The following TBCK variants were observed in gnomAD, a reference collection of about 807,000 sequenced individuals.
TBCK encodes TBC domain-containing protein kinase-like protein.
TBCK carries 99 observed loss-of-function variants against 113.4 expected under a neutral mutation model. The observed-to-expected ratio is 0.87, with a 90% confidence interval of 0.74 to 1.03. The LOEUF is 1.03. Ranked by LOEUF, TBCK falls within the 50% of genes least tolerant of loss-of-function variation. The probability of loss-of-function intolerance (pLI) is 0.00; values close to 1 mark genes in which losing one functional copy is unlikely to be tolerated. For missense variants in TBCK, 1,045 were observed against 1,061.3 expected, an observed-to-expected ratio of 0.98 and a Z score of 0.21; for synonymous variants, 369 against 370.8, an observed-to-expected ratio of 1.00 and a Z score of 0.05.
chr4:106,095,402 T>TA (rs1332421126), intron 25 of TBCK, 80 bp downstream of exon 25: 3 of 1,328,362 alleles, frequency 2.3e-6, no homozygotes, highest in Non-Finnish European at 3.1e-6. Context: ...CCTGAAGAAA[T>TA]ATACTTTTAG....
At chr4:106,128,927 T>G (rs1417887794) in intron 23 of TBCK, among the ~76,000 whole-genome samples, 1 of 152,146 alleles carries the variant, frequency 6.6e-6, no homozygotes, top group East Asian at 1.9e-4. Flanking sequence ...TATAATGGAA[T>G]GCACAGAAGC....
At chr4:106,058,580 G>A (rs1735691220) in intron 25 of TBCK, among the ~76,000 whole-genome samples, 2 of 151,642 alleles carry the variant, frequency 1.3e-5, no homozygotes, top group South Asian at 2.1e-4. Context: ...TCCAAATGAG[G>A]AGAAAAACAA....
At chr4:106,087,512 T>A (rs933790697) in intron 25 of TBCK, among the ~76,000 whole-genome samples, 2 of 152,148 alleles carry the variant, frequency 1.3e-5, no homozygotes, top group African/African-American at 4.8e-5. Flanking sequence ...CTGCCCAAAG[T>A]AAGTTACAGA....
intron 5 of TBCK, among the ~76,000 whole-genome samples, chr4:106,253,541 G>A (rs13129572): frequency 0.22 from 33,841 of 151,986 alleles, 4,643 homozygotes; most frequent in East Asian, 0.33. Context: ...TTTTCAAAAC[G>A]AGTTATACCA....
intron 22 of TBCK, among the ~76,000 whole-genome samples, chr4:106,174,642 T>C (rs1372168710): frequency 6.6e-6 from 1 of 152,180 alleles, no homozygotes; most frequent in Non-Finnish European, 1.5e-5. Context: ...TTTTGATGTT[T>C]GTGATAATTT....
intron 19 of TBCK, among the ~76,000 whole-genome samples, chr4:106,224,475 G>T (rs936288197): frequency 2.0e-4 from 30 of 152,044 alleles, no homozygotes; most frequent in Non-Finnish European, 2.4e-4. Flanking sequence ...TTGTGGAGAA[G>T]AAAGTGTACA....
At chr4:106,184,173 T>C (rs1560779811) in intron 22 of TBCK, among the ~76,000 whole-genome samples, 1 of 152,024 alleles carries the variant, frequency 6.6e-6, no homozygotes, top group Non-Finnish European at 1.5e-5. Flanking sequence ...AGCTTCTAAA[T>C]CTAGCTGCCC....
intron 2 of TBCK, among the ~76,000 whole-genome samples, chr4:106,306,236 ATTTTTTTTTTTTTT>A (rs60417567): frequency 6.2e-5 from 6 of 97,352 alleles, no homozygotes; most frequent in East Asian, 3.0e-4. Context: ...TGCCTGGCTA[ATTTTTTTTTTTTTT>A]TTTTTTTTTT....
At chr4:106,074,138 A>T (rs895922213) in intron 25 of TBCK, among the ~76,000 whole-genome samples, 7 of 152,152 alleles carry the variant, frequency 4.6e-5, no homozygotes, top group Non-Finnish European at 1.5e-5. Flanking sequence ...AGCAGTCCCA[A>T]TGAGATGAAC....
chr4:106,265,277 A>G (rs1300976986), intron 3 of TBCK, among the ~76,000 whole-genome samples: 1 of 151,936 alleles, frequency 6.6e-6, no homozygotes, highest in Non-Finnish European at 1.5e-5. Flanking sequence ...GCAGGTATAT[A>G]TATCTATGAG....
chr4:106,116,860 A>C (rs1743576345), intron 23 of TBCK, among the ~76,000 whole-genome samples: 1 of 152,058 alleles, frequency 6.6e-6, no homozygotes. Flanking sequence ...CAGGGCTCTC[A>C]CTGATTCTAG....
chr4:106,159,023 C>A (rs1749438291), intron 23 of TBCK, among the ~76,000 whole-genome samples: 1 of 146,378 alleles, frequency 6.8e-6, no homozygotes. Context: ...ATTACATTAA[C>A]AGAATGGAGA....
intron 25 of TBCK, among the ~76,000 whole-genome samples, chr4:106,061,223 T>A (rs1736006004): frequency 6.6e-6 from 1 of 151,776 alleles, no homozygotes; most frequent in South Asian, 2.1e-4. Context: ...TAGCACTGCA[T>A]GCTACAGAGA....
chr4:106,108,884 G>T (rs1383488242), intron 24 of TBCK, among the ~76,000 whole-genome samples: 1 of 149,398 alleles, frequency 6.7e-6, no homozygotes, highest in Non-Finnish European at 1.5e-5. Flanking sequence ...AGCTCCTTCA[G>T]CTGATAAACA....
At position 106,244,739 on chromosome 4, in the gene TBCK, T is replaced by C. The variant is rs1189543850; in HGVS notation, c.957A>G (p.Glu319=). 2.5e-6 allele frequency: 4 copies of C among 1,591,590 alleles called. No individual in the cohort carries two copies. In the African/African-American group the frequency reaches 5.4e-5, roughly 22 times the overall value. The part of the protein sequence containing the change: ...CKDINNDYLA[E]RSIEEVYYLW... ...GGTAATACACTTCTTCAATAGATCT[T>C]TCTGCCAGGTAATCATTATTTATAT... is the stretch of plus-strand genomic sequence containing the variant. The change falls in exon 11 of 26, where the codon GAA becomes GAG. Residue 319 remains glutamate, a synonymous_variant. Coordinates refer to ENST00000394708, the MANE Select transcript of TBCK (RefSeq NM_001163435.3).
intron 25 of TBCK, among the ~76,000 whole-genome samples, chr4:106,092,706 C>T (rs537879503): frequency 1.4e-4 from 21 of 152,354 alleles, no homozygotes; most frequent in East Asian, 1.9e-4. Context: ...GTCAAGCCCA[C>T]GCCCACCTGG....
At chr4:106,165,487 A>C (rs1449620283) in intron 23 of TBCK, among the ~76,000 whole-genome samples, 1 of 151,790 alleles carries the variant, frequency 6.6e-6, no homozygotes, top group Non-Finnish European at 1.5e-5. Flanking sequence ...CACTGTTTTT[A>C]TAGTGGTTTC....
At chr4:106,152,090 T>C (rs1265602158) in intron 23 of TBCK, among the ~76,000 whole-genome samples, 2 of 152,024 alleles carry the variant, frequency 1.3e-5, no homozygotes, top group African/African-American at 2.4e-5. Context: ...CTTTGTCTAA[T>C]TGCTCTGGCT....
At chr4:106,265,078 C>G (rs72893607) in intron 3 of TBCK, among the ~76,000 whole-genome samples, 4,094 of 151,896 alleles carry the variant, frequency 0.027, 179 homozygotes, top group African/African-American at 0.094. Context: ...CATATTTGTG[C>G]CAGTCATCAT....
Sources: allele counts gnomAD v4.1 joint callset (sites outside exome capture counted in the v4.1 genomes callset), GRCh38; gene constraint gnomAD v4.1.1; transcripts MANE v1.5; gene names NCBI Gene and HGNC (gene_info 2026-07-23, HGNC 2026-07-21).